Variants in MCTP1 observed in about 807,000 individuals in gnomAD.
The protein encoded by MCTP1 is multiple C2 and transmembrane domain-containing protein 1.
A neutral mutation model predicts 120.6 loss-of-function variants in MCTP1; 69 were observed. The observed-to-expected ratio is 0.57, with a 90% CI of 0.47 to 0.70. The LOEUF (loss-of-function observed/expected upper bound fraction) is 0.70. MCTP1 is among the 30% of genes least tolerant of loss of function. MCTP1 has a pLI of 0.00. For synonymous variants in MCTP1, 529 were observed against 493.1 expected (o/e 1.07, Z -0.96); for missense variants, 1,203 against 1,248.8 (o/e 0.96, Z 0.55).
intron 11 of MCTP1, among the ~76,000 whole-genome samples, chr5:94,893,888 C>T (rs902720055): frequency 2.6e-5 from 4 of 152,136 alleles, no homozygotes; most frequent in African/African-American, 9.7e-5. Context: ...GCTTTTTTCC[C>T]AGCTTCATGG....
chr5:95,154,339 T>C (rs897485303), intron 1 of MCTP1: 5 of 151,666 alleles, frequency 3.3e-5, no homozygotes, highest in Non-Finnish European at 5.9e-5. Flanking sequence ...GAAGTCTCTA[T>C]GCCAACAGAA....
chr5:95,027,797 A>G (rs1839536024), intron 1 of MCTP1, among the ~76,000 whole-genome samples: 1 of 152,180 alleles, frequency 6.6e-6, no homozygotes. Context: ...GACAGCTTCA[A>G]TGAGTCCTTG....
chr5:94,922,495 C>T (rs1396949172), intron 7 of MCTP1, among the ~76,000 whole-genome samples: 1 of 146,362 alleles, frequency 6.8e-6, no homozygotes, highest in East Asian at 2.0e-4. Context: ...TATTCCCCCC[C>T]TTTTTTTTTT....
chr5:94,975,599 C>A (rs1040772583), intron 2 of MCTP1, among the ~76,000 whole-genome samples: 4 of 151,760 alleles, frequency 2.6e-5, no homozygotes, highest in African/African-American at 9.7e-5. Flanking sequence ...ACAGCCCAAG[C>A]AAAGATGGCA....
intron 1 of MCTP1, among the ~76,000 whole-genome samples, chr5:95,092,738 T>C (rs949537777): frequency 1.3e-5 from 2 of 152,080 alleles, no homozygotes; most frequent in African/African-American, 4.8e-5. Flanking sequence ...ACTGTGAATA[T>C]ACCATTTTCA....
At chr5:95,109,484 T>C (rs1034934561) in intron 1 of MCTP1, among the ~76,000 whole-genome samples, 4 of 152,158 alleles carry the variant, frequency 2.6e-5, no homozygotes, top group Non-Finnish European at 5.9e-5. Context: ...CTACTCCTTA[T>C]ATATTGAACT....
At chr5:94,725,209 G>A (rs1233453443) in intron 19 of MCTP1, among the ~76,000 whole-genome samples, 1 of 152,146 alleles carries the variant, frequency 6.6e-6, no homozygotes, top group African/African-American at 2.4e-5. Context: ...AGAAAAAAAA[G>A]GTGAAATAAG....
At chr5:95,106,844 G>A (rs1757121056) in intron 1 of MCTP1, among the ~76,000 whole-genome samples, 1 of 152,152 alleles carries the variant, frequency 6.6e-6, no homozygotes, top group South Asian at 2.1e-4. Context: ...TCATTTTAAA[G>A]GGCAAGGAAA....
intron 18 of MCTP1, chr5:94,791,874 T>C (rs1165254040): frequency 1.3e-5 from 2 of 152,292 alleles, no homozygotes. Context: ...GAAAGGCCCC[T>C]CTTCCAGCAC....
chr5:95,018,158 CTT>C (rs1167366949), intron 1 of MCTP1, among the ~76,000 whole-genome samples: 3 of 151,982 alleles, frequency 2.0e-5, no homozygotes, highest in East Asian at 1.9e-4. Context: ...ACAATATACT[CTT>C]AATAATTTAC....
intron 19 of MCTP1, among the ~76,000 whole-genome samples, chr5:94,731,680 G>A (rs1232640527): frequency 6.6e-6 from 1 of 152,110 alleles, no homozygotes; most frequent in African/African-American, 2.4e-5. Flanking sequence ...TGGTTTGTGT[G>A]ACTTTTTGGC....
chr5:95,101,598 G>T (rs1408725234), intron 1 of MCTP1, among the ~76,000 whole-genome samples: 1 of 152,178 alleles, frequency 6.6e-6, no homozygotes, highest in Non-Finnish European at 1.5e-5. Context: ...GCTGTGTGTG[G>T]CAGGCAGTAT....
At chr5:94,881,978 T>C (rs185532777) in intron 12 of MCTP1, among the ~76,000 whole-genome samples, 3 of 152,198 alleles carry the variant, frequency 2.0e-5, no homozygotes, top group African/African-American at 7.2e-5. Flanking sequence ...CTTTATTCAA[T>C]GTAACAGAAC....
intron 9 of MCTP1, among the ~76,000 whole-genome samples, chr5:94,912,069 C>G (rs746274053): frequency 6.6e-6 from 1 of 151,976 alleles, no homozygotes; most frequent in Non-Finnish European, 1.5e-5. Flanking sequence ...TGGTACAAGT[C>G]AGGTTGGATA....
chr5:94,804,429 G>A, intron 17 of MCTP1, among the ~76,000 whole-genome samples: 1 of 152,170 alleles, frequency 6.6e-6, no homozygotes, highest in South Asian at 2.1e-4. Context: ...TTAATGTAAT[G>A]CTTTTCTTTT....
At chr5:94,762,327 T>G (rs539757559) in intron 19 of MCTP1, among the ~76,000 whole-genome samples, 1 of 152,364 alleles carries the variant, frequency 6.6e-6, no homozygotes, top group East Asian at 1.9e-4. Context: ...CAGCATCATA[T>G]TGTCCTAATG....
At chr5:94,934,393 T>C (rs913596052) in intron 5 of MCTP1, among the ~76,000 whole-genome samples, 29 of 151,838 alleles carry the variant, frequency 1.9e-4, no homozygotes, top group Non-Finnish European at 5.9e-5. Context: ...TGCCTGATAT[T>C]ATTATAGTAC....
intron 1 of MCTP1, among the ~76,000 whole-genome samples, chr5:95,148,870 C>T (rs1042048715): frequency 2.6e-5 from 4 of 152,050 alleles, no homozygotes; most frequent in African/African-American, 9.7e-5. Context: ...TTTCTGGGTG[C>T]TTTCAGGTGG....
At chr5:94,846,474 G>A (rs1792392368) in intron 17 of MCTP1, among the ~76,000 whole-genome samples, 1 of 152,018 alleles carries the variant, frequency 6.6e-6, no homozygotes, top group Non-Finnish European at 1.5e-5. Context: ...ACACAGGGAG[G>A]GAAACAACAC....
Sources: allele counts gnomAD v4.1 joint callset (sites outside exome capture counted in the v4.1 genomes callset), GRCh38; gene constraint gnomAD v4.1.1; transcripts MANE v1.5; gene names NCBI Gene and HGNC (gene_info 2026-07-23, HGNC 2026-07-21).